The following CCDC91 variants were observed in gnomAD, a reference collection of about 807,000 sequenced individuals.
CCDC91 encodes coiled-coil domain containing 91.
CCDC91 carries 48 observed loss-of-function variants against 63.2 expected under a neutral mutation model. The ratio of observed to expected loss-of-function variants is 0.76; its 90% CI spans 0.60 to 0.97. CCDC91 has a LOEUF of 0.97. Ranked by LOEUF, CCDC91 falls within the 50% of genes least tolerant of loss-of-function variation. CCDC91 has a pLI of 0.00. For synonymous variants in CCDC91, 167 were observed against 165.8 expected (o/e 1.01, Z -0.06); for missense variants, 500 against 494.6 (o/e 1.01, Z -0.10).
chr12:28,256,254 T>C (rs778851665), intron 1 of CCDC91, among the ~76,000 whole-genome samples: 11 of 152,118 alleles, frequency 7.2e-5, no homozygotes, highest in Middle Eastern at 3.2e-3. Flanking sequence ...AAACCAATTA[T>C]TACTGACTAG....
intron 1 of CCDC91, among the ~76,000 whole-genome samples, chr12:28,202,225 C>T (rs979690027): frequency 2.0e-5 from 3 of 151,954 alleles, no homozygotes; most frequent in South Asian, 2.1e-4. Flanking sequence ...TTAGAGAAAA[C>T]GTTTTAGTGT....
chr12:28,309,048 G>A (rs1939041018), intron 6 of CCDC91, among the ~76,000 whole-genome samples: 1 of 151,976 alleles, frequency 6.6e-6, no homozygotes, highest in Admixed American at 6.6e-5. Context: ...GAATGTGTGA[G>A]TATGCGTGGG....
intron 7 of CCDC91, among the ~76,000 whole-genome samples, chr12:28,383,172 T>G (rs1225704819): frequency 6.6e-6 from 1 of 152,100 alleles, no homozygotes; most frequent in East Asian, 1.9e-4. Flanking sequence ...GTCCTGAAGA[T>G]TTTCTTTGGC....
chr12:28,402,632 T>C (rs1946708845), intron 8 of CCDC91, among the ~76,000 whole-genome samples: 1 of 151,820 alleles, frequency 6.6e-6, no homozygotes, highest in South Asian at 2.1e-4. Context: ...CCATATACCT[T>C]TTATTTCCTT....
chr12:28,236,828 ATGT>A (rs1944979033), intron 1 of CCDC91: 1 of 152,120 alleles, frequency 6.6e-6, no homozygotes, highest in Non-Finnish European at 1.5e-5. Flanking sequence ...ATATAGTATG[ATGT>A]TTGTGAGATT....
At chr12:28,398,155 A>T (rs1946402002) in intron 8 of CCDC91, among the ~76,000 whole-genome samples, 1 of 152,180 alleles carries the variant, frequency 6.6e-6, no homozygotes. Flanking sequence ...TCAACACAAG[A>T]AGTTCTCTTA....
intron 12 of CCDC91, among the ~76,000 whole-genome samples, chr12:28,493,865 C>T (rs1343617976): frequency 1.3e-5 from 2 of 151,702 alleles, no homozygotes; most frequent in Non-Finnish European, 2.9e-5. Flanking sequence ...TTGGTCTGAT[C>T]ATTCAACTTC....
chr12:28,231,612 G>T (rs1007063779), intron 1 of CCDC91, among the ~76,000 whole-genome samples: 15 of 151,940 alleles, frequency 9.9e-5, no homozygotes, highest in African/African-American at 3.6e-4. Flanking sequence ...TTTATAATTG[G>T]GTAATTTTAG....
chr12:28,484,963 C>A (rs866788302), intron 12 of CCDC91, among the ~76,000 whole-genome samples: 18 of 151,142 alleles, frequency 1.2e-4, no homozygotes, highest in Middle Eastern at 3.5e-3. Flanking sequence ...TAATATATTG[C>A]AAACATATAT....
chr12:28,491,161 T>C (rs1592832731), intron 12 of CCDC91, among the ~76,000 whole-genome samples: 1 of 151,718 alleles, frequency 6.6e-6, no homozygotes, highest in South Asian at 2.1e-4. Context: ...AGGCATCTAG[T>C]ATATGAAAAT....
At chr12:28,529,114 T>G (rs1230882239) in intron 12 of CCDC91, among the ~76,000 whole-genome samples, 2 of 152,216 alleles carry the variant, frequency 1.3e-5, no homozygotes, top group African/African-American at 4.8e-5. Flanking sequence ...TTATGCTTCC[T>G]ACTTTGTACT....
chr12:28,402,950 G>T (rs529458263), intron 8 of CCDC91, among the ~76,000 whole-genome samples: 4 of 152,154 alleles, frequency 2.6e-5, no homozygotes, highest in Admixed American at 6.6e-5. Context: ...TACATTAAAT[G>T]ATTTTTAAAA....
chr12:28,519,407 T>C (rs1940333204), intron 12 of CCDC91, among the ~76,000 whole-genome samples: 1 of 151,890 alleles, frequency 6.6e-6, no homozygotes, highest in African/African-American at 2.4e-5. Context: ...TTTGTGTATG[T>C]TAATTTTGGA....
intron 6 of CCDC91, among the ~76,000 whole-genome samples, chr12:28,318,790 A>C (rs886390879): frequency 2.7e-4 from 41 of 152,134 alleles, no homozygotes; most frequent in Admixed American, 1.7e-3. Flanking sequence ...AACAGTTTTG[A>C]AGTCATTGGG....
chr12:28,447,823 AGGG>A (rs1949602262), intron 8 of CCDC91, among the ~76,000 whole-genome samples: 2 of 5,608 alleles, frequency 3.6e-4, no homozygotes, highest in Non-Finnish European at 3.0e-4. Flanking sequence ...AGGGGAAGGG[AGGG>A]GAGGGGAGGG....
intron 7 of CCDC91, among the ~76,000 whole-genome samples, chr12:28,384,712 A>T (rs1945493858): frequency 6.6e-6 from 1 of 152,154 alleles, no homozygotes; most frequent in Non-Finnish European, 1.5e-5. Flanking sequence ...ACAAATGGTT[A>T]AAACTGATTT....
At chr12:28,340,092 G>T (rs1242554412) in intron 6 of CCDC91, among the ~76,000 whole-genome samples, 1 of 152,028 alleles carries the variant, frequency 6.6e-6, no homozygotes, top group East Asian at 1.9e-4. Flanking sequence ...AAGAGCTTAT[G>T]TTTATTGATA....
intron 11 of CCDC91, among the ~76,000 whole-genome samples, chr12:28,472,806 C>G (rs1950888034): frequency 6.6e-6 from 1 of 152,130 alleles, no homozygotes; most frequent in African/African-American, 2.4e-5. Flanking sequence ...TTAATTACTT[C>G]CAGTTGAAAG....
At chr12:28,300,795 T>C (rs750051524) in intron 3 of CCDC91, among the ~76,000 whole-genome samples, 3 of 151,616 alleles carry the variant, frequency 2.0e-5, no homozygotes, top group Non-Finnish European at 4.4e-5. Context: ...TTCAGGAGTG[T>C]TTTAAAGTTT....
Sources: gnomAD v4.1 joint callset for allele counts (sites outside exome capture counted in the v4.1 genomes callset) on GRCh38, gnomAD v4.1.1 for gene constraint, MANE v1.5 for transcripts, NCBI Gene and HGNC (gene_info 2026-07-23, HGNC 2026-07-21) for gene names.